TM9SF3: variants seen among roughly 807,000 people sequenced by gnomAD.
The protein encoded by TM9SF3 is SM-11044-binding protein.
TM9SF3 carries 14 observed loss-of-function variants against 78.6 expected under a neutral mutation model. The observed-to-expected ratio is 0.18, with a 90% CI of 0.12 to 0.28. The LOEUF is 0.28. Among genes scored for constraint, TM9SF3 ranks in the 10% least tolerant of loss-of-function variants. The pLI is 1.00. For missense variants in TM9SF3, 496 were observed against 721.9 expected, an observed-to-expected ratio of 0.69 and a Z score of 3.59; for synonymous variants, 231 against 241.7, an observed-to-expected ratio of 0.96 and a Z score of 0.41.
At chr10:96,583,574 C>G (rs1041128371) in intron 1 of TM9SF3, among the ~76,000 whole-genome samples, 1 of 152,184 alleles carries the variant, frequency 6.6e-6, no homozygotes, top group South Asian at 2.1e-4. Flanking sequence ...AGAAGACTAT[C>G]AACTCAGAAT....
At position 96,521,123 on chromosome 10, in the gene TM9SF3, G is replaced by C; in HGVS notation, c.*1140C>G. On this transcript the variant is annotated 3_prime_UTR_variant, in exon 15 of 15. Transcript: ENST00000371142. ...CTGTAGGAGTCTCAGAAAATAAACA[G>C]AAGAAAACAACCCCCCTCCCAAAAG... 5.3e-6 allele frequency: 2 copies of C among 376,098 alleles called. No homozygotes were observed. The allele number at this position is 376,098 out of a possible 1,614,324, so 23.3% of individuals were successfully genotyped here. A position where few individuals can be genotyped will look rare whatever the true frequency, so the allele number is the denominator to read the frequency against.
intron 5 of TM9SF3, among the ~76,000 whole-genome samples, chr10:96,556,426 A>C (rs1380831992): frequency 6.6e-6 from 1 of 152,196 alleles, no homozygotes; most frequent in Non-Finnish European, 1.5e-5. Context: ...TCATTTAACC[A>C]AGGTCATAGT....
At chr10:96,575,585 C>T (rs1257888538) in intron 2 of TM9SF3, among the ~76,000 whole-genome samples, 1 of 152,064 alleles carries the variant, frequency 6.6e-6, no homozygotes, top group Non-Finnish European at 1.5e-5. Flanking sequence ...TCTTTAAAAT[C>T]TCACTGACAT....
At chr10:96,522,420 GT>G in intron 14 of TM9SF3, 90 bp from the exon 15 acceptor site, 1 of 1,039,542 alleles carries the variant, frequency 9.6e-7, no homozygotes, top group South Asian at 1.7e-5. Flanking sequence ...GCTCTGGAAA[GT>G]TATTCTTTTT....
At chr10:96,577,034 A>G (rs1240420711) in intron 1 of TM9SF3, among the ~76,000 whole-genome samples, 2 of 152,172 alleles carry the variant, frequency 1.3e-5, no homozygotes, top group African/African-American at 4.8e-5. Flanking sequence ...CTCTGATTGT[A>G]GTCTCAGGCA....
At chr10:96,586,035 G>A (rs1044350457) in intron 1 of TM9SF3, among the ~76,000 whole-genome samples, 34 of 152,208 alleles carry the variant, frequency 2.2e-4, no homozygotes, top group Admixed American at 5.9e-4. Flanking sequence ...ACCCTTTACT[G>A]TCAGAAGCTG....
At chr10:96,539,342 A>G (rs991481595) in intron 9 of TM9SF3, among the ~76,000 whole-genome samples, 1 of 152,196 alleles carries the variant, frequency 6.6e-6, no homozygotes, top group Non-Finnish European at 1.5e-5. Context: ...TGGGCTACAG[A>G]GCAAGACCCA....
At chr10:96,546,977 G>A (rs756496634) in intron 8 of TM9SF3, among the ~76,000 whole-genome samples, 20 of 152,250 alleles carry the variant, frequency 1.3e-4, no homozygotes, top group Middle Eastern at 3.4e-3. Flanking sequence ...GACTACTGCA[G>A]GGAATACAAG....
intron 9 of TM9SF3, 156 bp downstream of exon 9, chr10:96,543,920 A>C: frequency 1.6e-6 from 1 of 626,086 alleles, no homozygotes; most frequent in East Asian, 3.6e-5. Context: ...ATGGAGGCTA[A>C]CAACAGTAGT....
At chr10:96,525,081 T>C (rs1367998929) in intron 14 of TM9SF3, among the ~76,000 whole-genome samples, 2 of 152,002 alleles carry the variant, frequency 1.3e-5, no homozygotes, top group Non-Finnish European at 2.9e-5. Context: ...AGATCACATA[T>C]AGAAAAAGTC....
At chr10:96,531,161 A>G (rs1847889510) in intron 10 of TM9SF3, among the ~76,000 whole-genome samples, 1 of 152,102 alleles carries the variant, frequency 6.6e-6, no homozygotes, top group African/African-American at 2.4e-5. Context: ...TTCATTCCAC[A>G]AACATTTACT....
chr10:96,568,451 G>A (rs1848403203), intron 2 of TM9SF3, among the ~76,000 whole-genome samples: 1 of 152,180 alleles, frequency 6.6e-6, no homozygotes, highest in African/African-American at 2.4e-5. Context: ...AGTGGCAAAT[G>A]TTAACCTTAT....
At chr10:96,546,171 T>A (rs1166660917) in intron 8 of TM9SF3, among the ~76,000 whole-genome samples, 1 of 152,182 alleles carries the variant, frequency 6.6e-6, no homozygotes, top group African/African-American at 2.4e-5. Context: ...CTGAGATAAG[T>A]CTGAAAAATT....
At chr10:96,533,255 G>C (rs1847918582) in intron 9 of TM9SF3, 65 bp from the exon 10 acceptor site, 1 of 1,520,610 alleles carries the variant, frequency 6.6e-7, no homozygotes, top group South Asian at 1.2e-5. Flanking sequence ...ACAAATAAAA[G>C]AGACACAATT....
chr10:96,558,837 T>C (rs564242795), intron 5 of TM9SF3, among the ~76,000 whole-genome samples: 1 of 152,106 alleles, frequency 6.6e-6, no homozygotes, highest in Admixed American at 6.5e-5. Context: ...AAAATTCTAG[T>C]CCAAAAGATT....
chr10:96,581,455 C>T (rs992242197), intron 1 of TM9SF3, among the ~76,000 whole-genome samples: 8 of 152,006 alleles, frequency 5.3e-5, no homozygotes, highest in Non-Finnish European at 1.2e-4. Flanking sequence ...ATTTCAAAAC[C>T]TTTAAATTAT....
At chr10:96,529,772 C>T (rs961158918) in intron 11 of TM9SF3, among the ~76,000 whole-genome samples, 3 of 152,018 alleles carry the variant, frequency 2.0e-5, no homozygotes, top group African/African-American at 7.2e-5. Flanking sequence ...CAATTACGTC[C>T]GTTAAGGAGA....
chr10:96,562,832 T>C (rs1300989954), intron 3 of TM9SF3, among the ~76,000 whole-genome samples: 5 of 152,234 alleles, frequency 3.3e-5, no homozygotes, highest in African/African-American at 1.2e-4. Context: ...ACATCTCTCA[T>C]GCCCTCAGAC....
chr10:96,538,527 T>C (rs1211511215), intron 9 of TM9SF3, among the ~76,000 whole-genome samples: 8 of 152,136 alleles, frequency 5.3e-5, no homozygotes, highest in Non-Finnish European at 1.2e-4. Flanking sequence ...AGAAAAAATA[T>C]ACCAGTAAAT....
Sources: gnomAD v4.1 joint callset for allele counts (sites outside exome capture counted in the v4.1 genomes callset) on GRCh38, gnomAD v4.1.1 for gene constraint, MANE v1.5 for transcripts, NCBI Gene and HGNC (gene_info 2026-07-23, HGNC 2026-07-21) for gene names.